Variants in RBFOX1 observed in about 807,000 individuals in gnomAD.
The protein encoded by RBFOX1 is RNA binding protein fox-1 homolog 1.
In RBFOX1, 8 loss-of-function variants were observed where a neutral mutation model predicts 57.7. The ratio of observed to expected loss-of-function variants is 0.14; its 90% confidence interval spans 0.08 to 0.25. The LOEUF (loss-of-function observed/expected upper bound fraction) is 0.25, where lower values mean the gene tolerates loss of function less well. Among genes scored for constraint, RBFOX1 ranks in the 10% least tolerant of loss-of-function variants. RBFOX1 has a pLI of 1.00. For missense variants in RBFOX1, 611 were observed against 548.5 expected (o/e 1.11, Z -1.14); for synonymous variants, 326 against 222.4 (o/e 1.47, Z -4.15).
At chr16:5,427,804 G>A (rs190840454) in intron 1 of RBFOX1, among the ~76,000 whole-genome samples, 4 of 152,166 alleles carry the variant, frequency 2.6e-5, no homozygotes, top group Admixed American at 2.6e-4. Context: ...TCAACCTGCT[G>A]GACTCAAAGT....
chr16:6,150,976 A>G (rs1376414684), intron 1 of RBFOX1, among the ~76,000 whole-genome samples: 1 of 152,132 alleles, frequency 6.6e-6, no homozygotes, highest in African/African-American at 2.4e-5. Flanking sequence ...CCCAGCTTAG[A>G]TGTTCCTGCT....
At chr16:7,705,530 C>A (rs935999269) in intron 14 of RBFOX1, among the ~76,000 whole-genome samples, 6 of 152,058 alleles carry the variant, frequency 3.9e-5, no homozygotes, top group African/African-American at 1.4e-4. Flanking sequence ...TTTAAAAATC[C>A]TATGTGCCTG....
chr16:7,478,602 A>G (rs578250863), intron 4 of RBFOX1, among the ~76,000 whole-genome samples: 1 of 152,312 alleles, frequency 6.6e-6, no homozygotes, highest in African/African-American at 2.4e-5. Context: ...TTCTGACACA[A>G]ACTGGATTGG....
intron 3 of RBFOX1, among the ~76,000 whole-genome samples, chr16:6,657,774 C>T (rs8048978): frequency 0.022 from 3,325 of 152,136 alleles, 125 homozygotes; most frequent in African/African-American, 0.076. Context: ...TGGATTTTTA[C>T]GACTGTTGAG....
intron 3 of RBFOX1, among the ~76,000 whole-genome samples, chr16:6,940,282 AT>A (rs2078140192): frequency 6.6e-6 from 1 of 152,200 alleles, no homozygotes; most frequent in East Asian, 1.9e-4. Context: ...GTTGCTGCCC[AT>A]ATAGGAAGGG....
intron 3 of RBFOX1, among the ~76,000 whole-genome samples, chr16:6,908,737 T>C (rs1298956273): frequency 1.3e-5 from 2 of 152,188 alleles, no homozygotes; most frequent in African/African-American, 4.8e-5. Flanking sequence ...TCAATCCTTG[T>C]TCACCTCATT....
chr16:7,450,620 T>A (rs1001181622), intron 4 of RBFOX1, among the ~76,000 whole-genome samples: 1 of 152,128 alleles, frequency 6.6e-6, no homozygotes, highest in African/African-American at 2.4e-5. Flanking sequence ...GATTCCAGGC[T>A]CCTTTCCAGA....
chr16:6,999,495 G>C (rs8045628), intron 3 of RBFOX1, among the ~76,000 whole-genome samples: 1 of 151,478 alleles, frequency 6.6e-6, no homozygotes, highest in Admixed American at 6.6e-5. Context: ...AGCATTCTCA[G>C]TTGTTTAATG....
At chr16:7,335,449 T>G (rs1416361469) in intron 4 of RBFOX1, among the ~76,000 whole-genome samples, 2 of 152,202 alleles carry the variant, frequency 1.3e-5, no homozygotes, top group Non-Finnish European at 2.9e-5. Context: ...GATTGTTGTA[T>G]TATAGTTGGA....
At chr16:5,557,165 C>T (rs925708103) in intron 2 of RBFOX1, among the ~76,000 whole-genome samples, 1 of 151,930 alleles carries the variant, frequency 6.6e-6, no homozygotes, top group Non-Finnish European at 1.5e-5. Context: ...GAGGCTGAGG[C>T]AGGAAAGTCG....
chr16:6,825,938 G>A (rs1029710081), intron 3 of RBFOX1, among the ~76,000 whole-genome samples: 2 of 152,142 alleles, frequency 1.3e-5, no homozygotes, highest in South Asian at 2.1e-4. Flanking sequence ...TGGTTGTACC[G>A]CAGGGTGCTC....
intron 3 of RBFOX1, among the ~76,000 whole-genome samples, chr16:5,655,095 G>A (rs2049382540): frequency 6.6e-6 from 1 of 152,158 alleles, no homozygotes; most frequent in Non-Finnish European, 1.5e-5. Flanking sequence ...ACAAATCTAA[G>A]AGCAGGGCTG....
chr16:7,069,266 C>T (rs1436650708), intron 4 of RBFOX1, among the ~76,000 whole-genome samples: 1 of 152,058 alleles, frequency 6.6e-6, no homozygotes, highest in Non-Finnish European at 1.5e-5. Context: ...AAACATGTGC[C>T]ATGGTGTTTT....
chr16:7,042,026 A>T (rs1296641105), intron 3 of RBFOX1, among the ~76,000 whole-genome samples: 2 of 152,216 alleles, frequency 1.3e-5, no homozygotes, highest in Non-Finnish European at 2.9e-5. Flanking sequence ...CTTAACCTCC[A>T]GTCTCCATTG....
intron 3 of RBFOX1, among the ~76,000 whole-genome samples, chr16:6,657,149 TCTC>T (rs897947090): frequency 7.4e-5 from 11 of 149,590 alleles, no homozygotes; most frequent in Admixed American, 1.3e-4. Context: ...TCTCCTCTTC[TCTC>T]CTCTTTTCCT....
chr16:6,496,740 G>A (rs1042789275), intron 2 of RBFOX1, among the ~76,000 whole-genome samples: 4 of 152,014 alleles, frequency 2.6e-5, no homozygotes, highest in South Asian at 2.1e-4. Flanking sequence ...TGGGTGGATC[G>A]CTTGAGGTCA....
intron 3 of RBFOX1, among the ~76,000 whole-genome samples, chr16:6,850,268 G>C (rs1277738011): frequency 2.0e-5 from 3 of 152,082 alleles, no homozygotes; most frequent in Non-Finnish European, 2.9e-5. Flanking sequence ...AAAAATAAAA[G>C]TAAATAAATA....
intron 1 of RBFOX1, among the ~76,000 whole-genome samples, chr16:6,021,778 T>G (rs2095083863): frequency 6.6e-6 from 1 of 152,194 alleles, no homozygotes; most frequent in South Asian, 2.1e-4. Flanking sequence ...GCTTTACCTC[T>G]CTGAGCTTCG....
intron 2 of RBFOX1, among the ~76,000 whole-genome samples, chr16:6,603,412 C>A (rs566330817): frequency 1.3e-5 from 2 of 152,196 alleles, no homozygotes; most frequent in African/African-American, 4.8e-5. Flanking sequence ...GCCACCATCT[C>A]CTGCACAAAA....
Sources: allele counts gnomAD v4.1 joint callset (sites outside exome capture counted in the v4.1 genomes callset), GRCh38; gene constraint gnomAD v4.1.1; transcripts MANE v1.5; gene names NCBI Gene and HGNC (gene_info 2026-07-23, HGNC 2026-07-21).